ZC3HAV1L: variants seen among roughly 807,000 people sequenced by gnomAD.
ZC3HAV1L encodes the protein ZC3HAV1 like.
Under a neutral mutation model 28.2 loss-of-function variants are expected in ZC3HAV1L, and 23 were observed. The ratio of observed to expected loss-of-function variants is 0.82; its 90% CI spans 0.59 to 1.16. ZC3HAV1L has a LOEUF of 1.16. Among genes scored for constraint, ZC3HAV1L ranks in the 50% most tolerant of loss-of-function variants. The probability of loss-of-function intolerance (pLI) is 0.00; values close to 1 mark genes in which losing one functional copy is unlikely to be tolerated. For missense variants in ZC3HAV1L, 376 were observed against 387.7 expected, an observed-to-expected ratio of 0.97 and a Z score of 0.25; for synonymous variants, 180 against 163.4, an observed-to-expected ratio of 1.10 and a Z score of -0.78.
chr7:139,032,939 G>A (rs1286941124), intron 2 of ZC3HAV1L, among the ~76,000 whole-genome samples: 1 of 152,142 alleles, frequency 6.6e-6, no homozygotes, highest in Non-Finnish European at 1.5e-5. Flanking sequence ...CAGGCGCAGT[G>A]GCTCACGCCT....
chr7:139,029,053 A>G, intron 2 of ZC3HAV1L, 93 bp from the exon 3 acceptor site: 7 of 1,421,228 alleles, frequency 4.9e-6, no homozygotes, highest in South Asian at 2.9e-5. Context: ...CCCAGGCTGG[A>G]GTACAGTGGC....
chr7:139,031,766 A>G (rs902624702), intron 2 of ZC3HAV1L, among the ~76,000 whole-genome samples: 20 of 151,924 alleles, frequency 1.3e-4, no homozygotes, highest in Admixed American at 1.3e-3. Flanking sequence ...CTAGCTGGGT[A>G]TGGTGGCAAG....
intron 2 of ZC3HAV1L, among the ~76,000 whole-genome samples, chr7:139,032,255 G>A (rs1022200911): frequency 3.3e-5 from 5 of 152,022 alleles, no homozygotes; most frequent in Non-Finnish European, 5.9e-5. Flanking sequence ...AGGAGAATAG[G>A]GATATGTAGG....
chr7:139,035,012 C>A, intron 1 of ZC3HAV1L: 3 of 985,442 alleles, frequency 3.0e-6, no homozygotes, highest in Non-Finnish European at 2.4e-6. Context: ...AAAAAGAAAG[C>A]GCCCCTATCC....
downstream of ZC3HAV1L, among the ~76,000 whole-genome samples, chr7:139,022,757 T>C (rs890193528): frequency 1.3e-5 from 2 of 152,230 alleles, no homozygotes; most frequent in Non-Finnish European, 2.9e-5. Flanking sequence ...GTAAGTGCTA[T>C]GTTAGGCCTG....
intron 2 of ZC3HAV1L, chr7:139,034,148 T>G (rs1249016167): frequency 2.0e-6 from 2 of 985,298 alleles, no homozygotes; most frequent in African/African-American, 3.5e-5. Flanking sequence ...TGAAATGCAT[T>G]AGAGTTAAAA....
At chr7:139,027,371 T>C (rs565259511) in intron 3 of ZC3HAV1L, among the ~76,000 whole-genome samples, 9 of 152,282 alleles carry the variant, frequency 5.9e-5, no homozygotes, top group African/African-American at 2.2e-4. Context: ...CCACACTTTG[T>C]AGACTAAAAA....
Position 139,026,793 on chromosome 7 carries a change from C to G in ZC3HAV1L, c.801G>C (p.Glu267Asp). Reference sequence around the variant, plus strand: ...CTCCAGCTGCGTGCACTCCTTGCTTCTCAAGGCCTTGTGAATGCTCAGTCG... The same window carrying G: ...CTCCAGCTGCGTGCACTCCTTGCTTGTCAAGGCCTTGTGAATGCTCAGTCG... ...SPSTEHSQGL[E>D]KQGVHAAGAA... Residue 267 changes from glutamate to aspartate, a missense_variant, in exon 4 of 5, where the codon GAG (glutamate) becomes GAC (aspartate). Glu to Asp is a conservative substitution (Grantham distance 45, BLOSUM62 2). Coordinates refer to ENST00000275766, the MANE Select transcript of ZC3HAV1L (RefSeq NM_080660.4). 1 of 1,614,120 alleles carries G rather than the reference C, an allele frequency of 6.2e-7. No homozygotes were observed. Among genetic ancestry groups the G allele is most frequent in the Non-Finnish European group, 8.5e-7 (1 of 1,180,000 alleles).
At chr7:139,034,446 G>T in intron 2 of ZC3HAV1L, 97 bp downstream of exon 2, 1 of 1,460,768 alleles carries the variant, frequency 6.8e-7, no homozygotes, top group Middle Eastern at 1.8e-4. Context: ...ATGTTGCTTC[G>T]AAGGCAATTA....
At chr7:139,027,216 G>A (rs923337681) in intron 3 of ZC3HAV1L, among the ~76,000 whole-genome samples, 5 of 152,110 alleles carry the variant, frequency 3.3e-5, no homozygotes, top group African/African-American at 1.2e-4. Flanking sequence ...ATGAAAACTC[G>A]ATGGTGAAAG....
Position 139,035,776 on chromosome 7 carries a change from C to T in ZC3HAV1L, c.242G>A (p.Arg81Lys). The T allele has an allele frequency of 1.3e-6, 2 of 1,495,668 alleles. No individual in the cohort carries two copies. Among genetic ancestry groups the T allele is most frequent in the Non-Finnish European group, 1.8e-6 (2 of 1,130,972 alleles). 92.6% of individuals were successfully genotyped at this position (1,495,668 alleles called of 1,614,324 possible). ...AVGGGGTSAW[R>K]VVAVSSVRLC... Reference sequence around the variant, plus strand: ...GCGCACAGAGGACACGGCCACCACCCTCCAGGCGGAGGTGCCGCCACCGCC... The same window carrying T: ...GCGCACAGAGGACACGGCCACCACCTTCCAGGCGGAGGTGCCGCCACCGCC... The change falls in exon 1 of 5, where the codon AGG becomes AAG. Residue 81 changes from arginine (R) to lysine (K), a missense_variant. By Grantham distance (26) the Arg-to-Lys change is conservative. Transcript: ENST00000275766.
At chr7:139,021,894 C>T (rs1405603793), downstream of ZC3HAV1L, among the ~76,000 whole-genome samples, 1 of 151,930 alleles carries the variant, frequency 6.6e-6, no homozygotes, top group African/African-American at 2.4e-5. Flanking sequence ...AAAGAGCAAA[C>T]AGGCCATCTA....
chr7:139,023,280 T>C (rs1815285495), downstream of ZC3HAV1L, among the ~76,000 whole-genome samples: 2 of 150,084 alleles, frequency 1.3e-5, no homozygotes, highest in South Asian at 4.2e-4. Context: ...GTACATACAA[T>C]GTTGGTCTGC....
At chr7:139,032,608 G>A (rs1056945687) in intron 2 of ZC3HAV1L, among the ~76,000 whole-genome samples, 2 of 149,566 alleles carry the variant, frequency 1.3e-5, no homozygotes, top group Admixed American at 1.3e-4. Context: ...GGGTGATAGA[G>A]TGAGACTCCA....
chr7:139,028,149 C>T (rs1815409510), intron 3 of ZC3HAV1L, among the ~76,000 whole-genome samples: 1 of 151,970 alleles, frequency 6.6e-6, no homozygotes, highest in Non-Finnish European at 1.5e-5. Context: ...CCAAGGCAGG[C>T]AGATCATGAG....
intron 2 of ZC3HAV1L, among the ~76,000 whole-genome samples, chr7:139,031,454 CACTT>C (rs1563115221): frequency 6.6e-6 from 1 of 152,180 alleles, no homozygotes. Context: ...GGCATGGTGG[CACTT>C]GCTTGCAGTC....
At chr7:139,023,200 A>AAAAAAAAAAAG (rs1192772627), downstream of ZC3HAV1L, among the ~76,000 whole-genome samples, 1 of 151,646 alleles carries the variant, frequency 6.6e-6, no homozygotes. Flanking sequence ...AAAAAAAAAA[A>AAAAAAAAAAAG]AACAGGGAAT....
At chr7:139,023,182 GA>G (rs565321825), downstream of ZC3HAV1L, among the ~76,000 whole-genome samples, 5,076 of 103,358 alleles carry the variant, frequency 0.049, 128 homozygotes, top group African/African-American at 0.12. Context: ...AAGGAAAAAA[GA>G]AAAAAAAAAA....
intron 1 of ZC3HAV1L, chr7:139,035,405 CG>C: frequency 1.5e-5 from 7 of 453,394 alleles, no homozygotes; most frequent in Non-Finnish European, 2.0e-5. Context: ...GGGGGGCGGG[CG>C]GGGGCAGCAA....
Sources: gnomAD v4.1 joint callset for allele counts (sites outside exome capture counted in the v4.1 genomes callset) on GRCh38, gnomAD v4.1.1 for gene constraint, MANE v1.5 for transcripts, NCBI Gene and HGNC (gene_info 2026-07-23, HGNC 2026-07-21) for gene names.